Variants in FADS2 observed in about 807,000 individuals in gnomAD.
FADS2 encodes acyl-CoA 6-desaturase.
Under a neutral mutation model 61.2 loss-of-function variants are expected in FADS2, and 18 were observed. The observed-to-expected ratio is 0.29, with a 90% confidence interval of 0.20 to 0.44. The LOEUF (loss-of-function observed/expected upper bound fraction) is 0.44, where lower values mean the gene tolerates loss of function less well. Among genes scored for constraint, FADS2 ranks in the 20% least tolerant of loss-of-function variants. FADS2 has a pLI of 1.00. For missense variants in FADS2, 322 were observed against 572.7 expected (o/e 0.56, Z 4.47); for synonymous variants, 203 against 223.9 (o/e 0.91, Z 0.83).
At position 61,828,945 on chromosome 11, in the gene FADS2, A is replaced by G. The variant is rs2135953646; in HGVS notation, c.207+348A>G. ...TCCCCAAGAGGGGCGCTCGGGCCAGACGGCTTTGGCGCCCCCAGCGGGGAA... is the reference window on the plus strand; with the variant it reads ...TCCCCAAGAGGGGCGCTCGGGCCAGGCGGCTTTGGCGCCCCCAGCGGGGAA... On this transcript the variant is annotated intron_variant, in intron 1 of 11. Coordinates refer to ENST00000278840, the MANE Select transcript of FADS2 (RefSeq NM_004265.4). The surrounding 1 kb of genome is among the most constrained non-coding windows in gnomAD (Gnocchi z 6.4). Among the ~76,000 whole-genome samples the G allele has an allele frequency of 6.6e-6, 1 of 152,302 alleles. No individual in the cohort carries two copies. The highest frequency in any genetic ancestry group is 2.4e-5 in the African/African-American group (1 of 41,574).
At chr11:61,852,587 A>G (rs1170316996) in intron 5 of FADS2, among the ~76,000 whole-genome samples, 1 of 152,106 alleles carries the variant, frequency 6.6e-6, no homozygotes, top group Non-Finnish European at 1.5e-5. Flanking sequence ...TATATGTCTC[A>G]TGGATGTTTC....
chr11:61,833,121 A>C (rs914500207), intron 1 of FADS2, among the ~76,000 whole-genome samples: 2 of 152,176 alleles, frequency 1.3e-5, no homozygotes, highest in African/African-American at 2.4e-5. Flanking sequence ...CTTCAGAATC[A>C]GGGTGTTCTG....
chr11:61,852,255 C>CTTTTTG (rs894054731), intron 5 of FADS2, among the ~76,000 whole-genome samples: 2 of 152,056 alleles, frequency 1.3e-5, no homozygotes, highest in Non-Finnish European at 2.9e-5. Flanking sequence ...CTTTCTCTCT[C>CTTTTTG]TTTTTGTTTT....
At chr11:61,831,149 G>A (rs757629857) in intron 1 of FADS2, among the ~76,000 whole-genome samples, 1 of 152,052 alleles carries the variant, frequency 6.6e-6, no homozygotes, top group Admixed American at 6.6e-5. Flanking sequence ...CTTGAGCAGC[G>A]TGGGGTGGGT....
chr11:61,857,005 C>A lies in FADS2; in HGVS notation c.745-6C>A. ...TGGGTGCTCATGATCTCTCCTCTCTCCTCAGTACGGCAAGAAGAAGCTGAA... is the reference window on the plus strand; with the variant it reads ...TGGGTGCTCATGATCTCTCCTCTCTACTCAGTACGGCAAGAAGAAGCTGAA... On this transcript the variant is annotated splice_polypyrimidine_tract_variant and splice_region_variant and intron_variant, in intron 5 of 11. Coordinates refer to ENST00000278840, the MANE Select transcript of FADS2 (RefSeq NM_004265.4). 1.2e-6 allele frequency: 2 copies of A among 1,613,352 alleles called. No homozygotes were observed. The highest frequency in any genetic ancestry group is 4.5e-5 in the East Asian group (2 of 44,872).
At chr11:61,843,499 G>T (rs1346199548) in intron 4 of FADS2, among the ~76,000 whole-genome samples, 1 of 152,222 alleles carries the variant, frequency 6.6e-6, no homozygotes, top group African/African-American at 2.4e-5. Flanking sequence ...GACATCACCA[G>T]ACTTTCTGCA....
At position 61,816,888 on chromosome 11, in the gene FADS2, A is replaced by G; in HGVS notation, c.141+462A>G. 4.1e-6 allele frequency: 6 copies of G among 1,459,032 alleles called. No individual in the cohort carries two copies. Among genetic ancestry groups the G allele is most frequent in the South Asian group, 1.3e-5 (1 of 74,578 alleles). 90.4% of individuals were successfully genotyped at this position (1,459,032 alleles called of 1,614,324 possible). On this transcript the variant is annotated intron_variant, in intron 1 of 11. Coordinates refer to the FADS2 transcript ENST00000257261. The surrounding 1 kb of genome is among the most constrained non-coding windows in gnomAD (Gnocchi z 7.0). ...GCCGCCTGCGCGCCGGGTTTTCAGC[A>G]CCGCAGGGCAGACCGGCGGGCCTCG...
chr11:61,834,991 C>T (rs559718131), intron 1 of FADS2, among the ~76,000 whole-genome samples: 2 of 147,382 alleles, frequency 1.4e-5, no homozygotes, highest in Admixed American at 6.8e-5. Context: ...GCCCCCCCAC[C>T]CCAGCCCTCC....
upstream of FADS2, among the ~76,000 whole-genome samples, chr11:61,824,395 AGAGAGAG>A (rs1296040849): frequency 2.5e-3 from 6 of 2,366 alleles, no homozygotes; most frequent in South Asian, 0.1. Flanking sequence ...GGAAAAAAAA[AGAGAGAG>A]AGAGAGAGAG....
Position 61,816,491 on chromosome 11 carries a change from C to G in FADS2, c.141+65C>G, listed in dbSNP as rs1211030255. 30 of 1,600,230 alleles carry G rather than the reference C, an allele frequency of 1.9e-5. No homozygotes were observed. In the Admixed American group the frequency reaches 4.6e-4, roughly 24 times the overall value. On this transcript the variant is annotated intron_variant, in intron 1 of 11. Transcript: ENST00000257261. The surrounding 1 kb of genome is among the most constrained non-coding windows in gnomAD (Gnocchi z 7.0). Reference sequence around the variant, plus strand: ...GGTGTTTGGCTCGGAGTGCGTAACTCTGTCTCCCCTGCACTCAGCCTCCGG... The same window carrying G: ...GGTGTTTGGCTCGGAGTGCGTAACTGTGTCTCCCCTGCACTCAGCCTCCGG...
At position 61,840,316 on chromosome 11, in the gene FADS2, T is replaced by C. The variant is rs757618537; in HGVS notation, c.319-18T>C. On this transcript the variant is annotated intron_variant, in intron 2 of 11. Transcript: ENST00000278840. ...GTGGCTGGTGGCTGACTCCTTTCCCTGTGCTCTTGGTCAACAGTCAAAGAT... is the reference window on the plus strand; with the variant it reads ...GTGGCTGGTGGCTGACTCCTTTCCCCGTGCTCTTGGTCAACAGTCAAAGAT... The C allele has an allele frequency of 6.2e-7, 1 of 1,609,322 alleles. No homozygotes were observed. The highest frequency in any genetic ancestry group is 8.5e-7 in the Non-Finnish European group (1 of 1,176,184).
chr11:61,824,483 AG>A (rs1565325362), upstream of FADS2, among the ~76,000 whole-genome samples: 362 of 9,660 alleles, frequency 0.037, 42 homozygotes, highest in Middle Eastern at 0.2. Flanking sequence ...AGAGAGAGAG[AG>A]AGAGAGAAAG....
intron 5 of FADS2, among the ~76,000 whole-genome samples, chr11:61,853,196 A>C (rs2067322701): frequency 6.6e-6 from 1 of 151,904 alleles, no homozygotes; most frequent in Non-Finnish European, 1.5e-5. Context: ...AAAACAAAAC[A>C]AACAGAAAAA....
chr11:61,824,531 A>G (rs867528128), upstream of FADS2, among the ~76,000 whole-genome samples: 46 of 139,488 alleles, frequency 3.3e-4, no homozygotes, highest in Non-Finnish European at 6.3e-4. Flanking sequence ...AAGAAAGAAA[A>G]ATCACTGTCT....
At chr11:61,826,073 AT>A (rs1426203557), upstream of FADS2, 1 of 702,504 alleles carries the variant, frequency 1.4e-6, no homozygotes, top group Non-Finnish European at 2.6e-6. Context: ...CTCTGGAGTT[AT>A]CTTTCTACAC....
intron 6 of FADS2, 101 bp downstream of exon 6, chr11:61,857,172 G>A: frequency 1.9e-6 from 2 of 1,076,646 alleles, no homozygotes. Flanking sequence ...TCCAGAAAGT[G>A]ACACTAAACT....
rs2067413711 is a variant in FADS2, at chr11:61,861,359, A to AAAAAAAAC, written c.883-1606_883-1605insCAAAAAAA. 4.2e-5 allele frequency among the ~76,000 whole-genome samples: 4 copies of AAAAAAAAC among 94,406 alleles called. 1 individual carries two copies. Among genetic ancestry groups the AAAAAAAAC allele is most frequent in the Non-Finnish European group, 8.6e-5 (4 of 46,774 alleles). The allele number at this position is 94,406 out of a possible 152,430, so 61.9% of individuals were successfully genotyped here. On this transcript the variant is annotated intron_variant, in intron 7 of 11. Transcript: ENST00000278840. ...ACAGAGCGAGACTCCCTCTCAAAAA[A>AAAAAAAAC]AAAAAAAAAAAACAGAAATTAGCTA...
intron 2 of FADS2, among the ~76,000 whole-genome samples, chr11:61,839,122 A>C (rs755892000): frequency 6.6e-6 from 1 of 151,398 alleles, no homozygotes; most frequent in Admixed American, 6.6e-5. Flanking sequence ...TTGTGTTCCC[A>C]GGGCCCTCCT....
chr11:61,819,900 G>A (rs1331685905), intron 1 of FADS2, among the ~76,000 whole-genome samples: 2 of 129,598 alleles, frequency 1.5e-5, no homozygotes, highest in African/African-American at 5.9e-5. Context: ...ATAATATGAT[G>A]TAAGTTTGGC....
Sources: gnomAD v4.1 joint callset for allele counts (sites outside exome capture counted in the v4.1 genomes callset) on GRCh38, gnomAD v4.1.1 for gene constraint, Gnocchi (gnomAD v3.1) non-coding constraint, MANE v1.5 for transcripts, NCBI Gene and HGNC (gene_info 2026-07-23, HGNC 2026-07-21) for gene names.